RASA3: variants seen among roughly 807,000 people sequenced by gnomAD.
The protein encoded by RASA3 is ras GTPase-activating protein 3.
In RASA3, 73 loss-of-function variants were observed where a neutral mutation model predicts 110.0. That is an observed-to-expected ratio of 0.66 (90% confidence interval 0.55 to 0.81). The LOEUF is 0.81. Ranked by LOEUF, RASA3 falls within the 30% of genes least tolerant of loss-of-function variation. The pLI, the probability that RASA3 is intolerant of heterozygous loss-of-function variation, is 0.00. For synonymous variants in RASA3, 500 were observed against 451.4 expected, an observed-to-expected ratio of 1.11 and a Z score of -1.37; for missense variants, 976 against 1,113.2, an observed-to-expected ratio of 0.88 and a Z score of 1.75.
chr13:114,047,372 C>T (rs558771625), intron 3 of RASA3, among the ~76,000 whole-genome samples: 2 of 152,274 alleles, frequency 1.3e-5, no homozygotes, highest in Admixed American at 6.5e-5. Flanking sequence ...GGAGTGCAAA[C>T]GGTAACTAGA....
In RASA3 at chr13:114,021,445, G is replaced by T. The variant is rs1396025835; in HGVS notation, c.744C>A (p.Ile248=). The change falls in exon 9 of 24, where the codon ATC becomes ATA. Residue 248 remains isoleucine, a synonymous_variant. Coordinates refer to ENST00000334062, the MANE Select transcript of RASA3 (RefSeq NM_007368.4). ...TGGACTGCCGCAGGACTTTCAACGGGATCCTTAGTTCTCCCAGGAATTCAT... is the reference window on the plus strand; with the variant it reads ...TGGACTGCCGCAGGACTTTCAACGGTATCCTTAGTTCTCCCAGGAATTCAT... The part of the protein sequence containing the change: ...FGDEFLGELR[I]PLKVLRQSSS... The T allele has an allele frequency of 1.2e-6, 2 of 1,614,012 alleles. No homozygotes were observed. The highest frequency in any genetic ancestry group is 2.7e-5 in the African/African-American group (2 of 75,048).
intron 1 of RASA3, among the ~76,000 whole-genome samples, chr13:114,099,018 G>A (rs1298420978): frequency 2.1e-5 from 1 of 48,462 alleles, no homozygotes; most frequent in African/African-American, 8.9e-5. Context: ...CCAGACCACA[G>A]CAGTCGGGGC....
At position 113,996,708 on chromosome 13, in the gene RASA3, A is replaced by G. The variant is rs1204536968; in HGVS notation, c.1964T>C (p.Leu655Pro). ...MFQVIQPERA[L>P]YIQANNCVEA... ...CACGCAGTTGTTGGCCTGGATGTAC[A>G]GCGCACGCTCTGGCTGGATGACCTG... The change falls in exon 21 of 24, where the codon CTG (leucine) becomes CCG (proline). Residue 655 changes from leucine to proline, a missense_variant. Leu to Pro is a moderately conservative substitution (Grantham distance 98, BLOSUM62 -3). Transcript: ENST00000334062. 6.2e-7 allele frequency: 1 copy of G among 1,613,762 alleles called. No individual in the cohort carries two copies. The highest frequency in any genetic ancestry group is 2.2e-5 in the East Asian group (1 of 44,878).
intron 1 of RASA3, among the ~76,000 whole-genome samples, chr13:114,121,501 T>C (rs9525275): frequency 0.12 from 17,933 of 152,202 alleles, 1,457 homozygotes; most frequent in East Asian, 0.35. Flanking sequence ...CATCAAGCCG[T>C]GCAACCCTGC....
At chr13:114,039,345 C>G (rs527528104) in intron 4 of RASA3, among the ~76,000 whole-genome samples, 1 of 144,872 alleles carries the variant, frequency 6.9e-6, no homozygotes, top group Admixed American at 6.7e-5. Context: ...GTGCAGCAAC[C>G]CTACACTCAG....
At chr13:114,109,733 A>G (rs1051512919) in intron 1 of RASA3, among the ~76,000 whole-genome samples, 2 of 152,198 alleles carry the variant, frequency 1.3e-5, no homozygotes, top group African/African-American at 4.8e-5. Flanking sequence ...TCGAGCCTCC[A>G]AACGCCGTGA....
At chr13:114,059,674 G>A (rs772124222) in intron 2 of RASA3, among the ~76,000 whole-genome samples, 6 of 152,250 alleles carry the variant, frequency 3.9e-5, no homozygotes, top group Non-Finnish European at 7.3e-5. Context: ...GCCTGGCTTG[G>A]AGGTTTCTTC....
At chr13:114,079,873 T>A (rs1468065396) in intron 1 of RASA3, among the ~76,000 whole-genome samples, 2 of 151,978 alleles carry the variant, frequency 1.3e-5, no homozygotes, top group Non-Finnish European at 2.9e-5. Flanking sequence ...AGGCTGCACA[T>A]CTCGGTGGGC....
intron 3 of RASA3, among the ~76,000 whole-genome samples, chr13:114,046,015 A>G (rs1009500992): frequency 1.3e-5 from 2 of 152,246 alleles, no homozygotes; most frequent in Admixed American, 6.5e-5. Context: ...AAATTAATCT[A>G]TAGATCAATG....
At chr13:114,016,511 C>T (rs1013316359) in intron 12 of RASA3, among the ~76,000 whole-genome samples, 1 of 152,182 alleles carries the variant, frequency 6.6e-6, no homozygotes, top group African/African-American at 2.4e-5. Context: ...GGGCCTGTGT[C>T]ACTGGCTGCG....
chr13:114,130,717 C>G (rs1302022444), intron 1 of RASA3, among the ~76,000 whole-genome samples: 1 of 152,228 alleles, frequency 6.6e-6, no homozygotes, highest in African/African-American at 2.4e-5. Context: ...GAGTACACAG[C>G]GAGCATGCTG....
chr13:114,130,145 ACAGGTCACCCT>A (rs2080498392), intron 1 of RASA3, among the ~76,000 whole-genome samples: 1 of 152,192 alleles, frequency 6.6e-6, no homozygotes, highest in Non-Finnish European at 1.5e-5. Flanking sequence ...CAGCGCACCC[ACAGGTCACCCT>A]CAGGGTCTCC....
At chr13:114,098,027 C>T (rs1364685742) in intron 1 of RASA3, among the ~76,000 whole-genome samples, 1 of 152,170 alleles carries the variant, frequency 6.6e-6, no homozygotes, top group Admixed American at 6.5e-5. Context: ...AGCTCTCAGC[C>T]CTCAGCTGAG....
intron 1 of RASA3, among the ~76,000 whole-genome samples, chr13:114,131,906 C>T (rs995359225): frequency 6.6e-6 from 1 of 152,138 alleles, no homozygotes; most frequent in Non-Finnish European, 1.5e-5. Flanking sequence ...CACAGACGCG[C>T]GCGCACAGCA....
At chr13:114,042,476 G>A (rs1169093560) in intron 3 of RASA3, among the ~76,000 whole-genome samples, 2 of 152,244 alleles carry the variant, frequency 1.3e-5, no homozygotes, top group African/African-American at 2.4e-5. Context: ...TCTGCACCCA[G>A]AGACACACAC....
At chr13:114,070,451 G>C (rs939634965) in intron 2 of RASA3, among the ~76,000 whole-genome samples, 1 of 152,128 alleles carries the variant, frequency 6.6e-6, no homozygotes, top group African/African-American at 2.4e-5. Context: ...GATTCCAGCT[G>C]CAAGTTTATG....
chr13:113,980,372 CGT>C lies in RASA3; in HGVS notation c.2430-952_2430-951del, dbSNP rs1270238592. On this transcript the variant is annotated intron_variant, in intron 23 of 23. Coordinates refer to ENST00000334062, the MANE Select transcript of RASA3 (RefSeq NM_007368.4). ...TCCTGCCATGTGTGTGCGCCTCCTC[CGT>C]GTGTGTGCCTCCTCCCACGTGTGCA... Among the ~76,000 whole-genome samples, 14 of 142,872 alleles carry C rather than the reference CGT, an allele frequency of 9.8e-5. No individual in the cohort carries two copies. In the South Asian group the frequency reaches 1.7e-3, roughly 17 times the overall value. The allele number at this position is 142,872 out of a possible 152,430, so 93.7% of individuals were successfully genotyped here.
chr13:114,080,947 T>A (rs12865459), intron 1 of RASA3, among the ~76,000 whole-genome samples: 24 of 95,388 alleles, frequency 2.5e-4, no homozygotes, highest in East Asian at 1.1e-3. Context: ...ATAGTGCCCC[T>A]CGGCAGAGGG....
chr13:114,031,366 C>T (rs1057300918), intron 4 of RASA3, among the ~76,000 whole-genome samples: 9 of 150,508 alleles, frequency 6.0e-5, no homozygotes, highest in Admixed American at 1.3e-4. Flanking sequence ...TGTGTGTGTG[C>T]GACTATGTGT....
Sources: allele counts gnomAD v4.1 joint callset (sites outside exome capture counted in the v4.1 genomes callset), GRCh38; gene constraint gnomAD v4.1.1; transcripts MANE v1.5; gene names NCBI Gene and HGNC (gene_info 2026-07-23, HGNC 2026-07-21).